CNIH4: variants seen among roughly 807,000 people sequenced by gnomAD.
CNIH4 encodes the protein protein cornichon homolog 4.
In CNIH4, 9 loss-of-function variants were observed where a neutral mutation model predicts 21.5. The observed-to-expected ratio is 0.42, with a 90% CI of 0.25 to 0.73. The LOEUF (loss-of-function observed/expected upper bound fraction) is 0.73, where lower values mean the gene tolerates loss of function less well. Ranked by LOEUF, CNIH4 falls within the 30% of genes least tolerant of loss-of-function variation. The probability of loss-of-function intolerance (pLI) is 0.27; values close to 1 mark genes in which losing one functional copy is unlikely to be tolerated. For synonymous variants in CNIH4, 67 were observed against 59.1 expected (o/e 1.13, Z -0.61); for missense variants, 159 against 170.0 (o/e 0.94, Z 0.36).
chr1:224,366,271 A>T (rs563475329), intron 3 of CNIH4, among the ~76,000 whole-genome samples: 1 of 151,996 alleles, frequency 6.6e-6, no homozygotes, highest in East Asian at 1.9e-4. Context: ...TGAACTCCTG[A>T]CCTCAGGTGA....
intron 1 of CNIH4, among the ~76,000 whole-genome samples, chr1:224,360,082 G>A (rs1008095910): frequency 2.6e-5 from 4 of 151,996 alleles, no homozygotes; most frequent in Non-Finnish European, 2.9e-5. Context: ...GTAGCAGTGC[G>A]TTGGAATTGC....
At chr1:224,374,641 C>T (rs539397358) in intron 4 of CNIH4, among the ~76,000 whole-genome samples, 14 of 149,530 alleles carry the variant, frequency 9.4e-5, no homozygotes, top group East Asian at 2.0e-4. Flanking sequence ...CCACCCACCT[C>T]GGCCTCCCAA....
chr1:224,369,130 T>G (rs1171930767), intron 3 of CNIH4, among the ~76,000 whole-genome samples: 3 of 152,150 alleles, frequency 2.0e-5, no homozygotes, highest in Non-Finnish European at 4.4e-5. Context: ...GTAATTTAGG[T>G]GTGATGCTCA....
At chr1:224,357,079 C>T in intron 1 of CNIH4, 86 bp downstream of exon 1, 1 of 1,469,686 alleles carries the variant, frequency 6.8e-7, no homozygotes, top group Non-Finnish European at 9.3e-7. Flanking sequence ...GTGTGTGGGA[C>T]TAGGGAGGCG....
chr1:224,358,468 G>A (rs535778248), intron 1 of CNIH4, among the ~76,000 whole-genome samples: 2 of 152,358 alleles, frequency 1.3e-5, no homozygotes, highest in Non-Finnish European at 2.9e-5. Context: ...TAAGGAACTA[G>A]AGCAAGCTTG....
At chr1:224,375,767 T>G in intron 4 of CNIH4, 28 bp from the exon 5 acceptor site, 2 of 1,613,804 alleles carry the variant, frequency 1.2e-6, no homozygotes, top group Non-Finnish European at 8.5e-7. Flanking sequence ...GAGAAAACAT[T>G]AGTGACATTC....
intron 4 of CNIH4, among the ~76,000 whole-genome samples, chr1:224,372,605 CAG>C (rs1672663781): frequency 6.6e-6 from 1 of 151,738 alleles, no homozygotes; most frequent in South Asian, 2.1e-4. Context: ...TTTTTCGAGA[CAG>C]AGTCTCGCTC....
intron 2 of CNIH4, among the ~76,000 whole-genome samples, chr1:224,363,340 A>C (rs906289954): frequency 2.6e-5 from 4 of 152,176 alleles, no homozygotes; most frequent in Non-Finnish European, 5.9e-5. Flanking sequence ...CACTGCACCC[A>C]GCCTTCTTTT....
intron 2 of CNIH4, among the ~76,000 whole-genome samples, chr1:224,361,203 C>T (rs952197586): frequency 4.7e-5 from 7 of 150,240 alleles, no homozygotes; most frequent in Non-Finnish European, 8.9e-5. Context: ...GCAGCCTCTG[C>T]CTCCCAGGTT....
Position 224,376,660 on chromosome 1 carries a change from T to C in CNIH4, c.*838T>C. 2.0e-6 allele frequency: 2 copies of C among 985,442 alleles called. No homozygotes were observed. The highest frequency in any genetic ancestry group is 2.4e-6 in the Non-Finnish European group (2 of 829,946). 61.0% of individuals were successfully genotyped at this position (985,442 alleles called of 1,614,324 possible). A position where few individuals can be genotyped will look rare whatever the true frequency, so the allele number is the denominator to read the frequency against. Reference sequence around the variant, plus strand: ...ATTTGCTGTCTGTGAAATTGAGCCTTTTGGTGCGCCACGTGGTGCCAGATC... The same window carrying C: ...ATTTGCTGTCTGTGAAATTGAGCCTCTTGGTGCGCCACGTGGTGCCAGATC... On this transcript the variant is annotated 3_prime_UTR_variant, in exon 5 of 5. Coordinates refer to ENST00000465271, the MANE Select transcript of CNIH4 (RefSeq NM_014184.4).
intron 2 of CNIH4, chr1:224,364,601 T>G (rs750312517): frequency 1.9e-5 from 3 of 155,494 alleles, no homozygotes; most frequent in Non-Finnish European, 2.8e-5. Flanking sequence ...GTAAGAATTA[T>G]GCAATCAACT....
chr1:224,376,142 C>T lies in CNIH4; in HGVS notation c.*320C>T. ...TTGCATGCCAAAGAAATAAAGAACA[C>T]ACTTTAAAGGGCAAACTGAAGAGAT... On this transcript the variant is annotated 3_prime_UTR_variant, in exon 5 of 5. Coordinates refer to ENST00000465271, the MANE Select transcript of CNIH4 (RefSeq NM_014184.4). 1 of 1,069,552 alleles carries T rather than the reference C, an allele frequency of 9.3e-7. No individual in the cohort carries two copies. The highest frequency in any genetic ancestry group is 1.1e-6 in the Non-Finnish European group (1 of 884,186). The allele number at this position is 1,069,552 out of a possible 1,614,324, so 66.3% of individuals were successfully genotyped here.
At chr1:224,357,058 C>A in intron 1 of CNIH4, 65 bp downstream of exon 1, 1 of 1,554,940 alleles carries the variant, frequency 6.4e-7, no homozygotes, top group African/African-American at 1.4e-5. Flanking sequence ...GCCAGTTGGG[C>A]ACCCGGGCAG....
At chr1:224,357,195 G>C (rs753624666) in intron 1 of CNIH4, 447 of 573,184 alleles carry the variant, frequency 7.8e-4, no homozygotes, top group Middle Eastern at 2.4e-3. Flanking sequence ...GGGCCCTGCT[G>C]CCCTGCACGC....
Position 224,356,934 on chromosome 1 carries a change from G to C in CNIH4, c.10G>C (p.Val4Leu), listed in dbSNP as rs1177831448. Residue 4 changes from valine to leucine, a missense_variant, in exon 1 of 5, where the codon GTG becomes CTG. By Grantham distance (32) the Val-to-Leu change is conservative. Coordinates refer to ENST00000465271, the MANE Select transcript of CNIH4 (RefSeq NM_014184.4). ...GCGACGGAGGAGGAGGATGGAGGCG[G>C]TGGTGTTCGTCTTCTCTCTCCTCGA... MEA[V>L]VFVFSLLDCC... 1.2e-6 allele frequency: 2 copies of C among 1,610,482 alleles called. No individual in the cohort carries two copies. The highest frequency in any genetic ancestry group is 1.7e-6 in the Non-Finnish European group (2 of 1,178,480).
In CNIH4 at chr1:224,372,521, A is replaced by G. The variant is rs542978749; in HGVS notation, c.392+1098A>G. Among the ~76,000 whole-genome samples, 138 of 152,130 alleles carry G rather than the reference A, an allele frequency of 9.1e-4. 6 individuals carry two copies. The South Asian group carries it at 0.028, about 30-fold the overall frequency. The stretch of plus-strand genomic sequence containing the variant: ...ACTTATGTTGAAGTAAACTTCCACC[A>G]CTCAGAAAATTCTTGATTAGAAACT... On this transcript the variant is annotated intron_variant, in intron 4 of 4. Transcript: ENST00000465271.
chr1:224,369,877 T>C (rs1010670105), intron 3 of CNIH4, among the ~76,000 whole-genome samples: 2 of 152,000 alleles, frequency 1.3e-5, no homozygotes, highest in African/African-American at 2.4e-5. Context: ...GATTTCTCCA[T>C]GTTGGTCAGG....
At chr1:224,356,835 C>A (rs912800798), upstream of CNIH4, 4 of 1,119,338 alleles carry the variant, frequency 3.6e-6, no homozygotes, top group Non-Finnish European at 5.3e-6. Flanking sequence ...GGACCACACG[C>A]CTCAGCCAGC....
At chr1:224,369,220 T>C (rs1672553235) in intron 3 of CNIH4, among the ~76,000 whole-genome samples, 1 of 152,186 alleles carries the variant, frequency 6.6e-6, no homozygotes, top group African/African-American at 2.4e-5. Context: ...TAAGAATTAA[T>C]ATGAAAGATT....
Sources: gnomAD v4.1 joint callset for allele counts (sites outside exome capture counted in the v4.1 genomes callset) on GRCh38, gnomAD v4.1.1 for gene constraint, MANE v1.5 for transcripts, NCBI Gene and HGNC (gene_info 2026-07-23, HGNC 2026-07-21) for gene names.